The following HGF variants were observed in gnomAD, a reference collection of about 807,000 sequenced individuals.
The protein encoded by HGF is hepatocyte growth factor.
A neutral mutation model predicts 111.6 loss-of-function variants in HGF; 39 were observed. The observed-to-expected ratio is 0.35, with a 90% confidence interval of 0.27 to 0.46. The LOEUF (loss-of-function observed/expected upper bound fraction) is 0.46, where lower values mean the gene tolerates loss of function less well. Ranked by LOEUF, HGF falls within the 20% of genes least tolerant of loss-of-function variation. The pLI, the probability that HGF is intolerant of heterozygous loss-of-function variation, is 1.00. For synonymous variants in HGF, 285 were observed against 294.8 expected (o/e 0.97, Z 0.34); for missense variants, 735 against 910.5 (o/e 0.81, Z 2.48).
chr7:81,755,088 C>G (rs545950041), intron 4 of HGF: 29 of 152,156 alleles, frequency 1.9e-4, no homozygotes, highest in South Asian at 4.1e-4. Flanking sequence ...GAAACTTGAT[C>G]TATTCCATCA....
intron 6 of HGF, among the ~76,000 whole-genome samples, chr7:81,744,031 T>C (rs528369263): frequency 2.2e-3 from 333 of 152,196 alleles, no homozygotes; most frequent in Non-Finnish European, 3.7e-3. Flanking sequence ...TGCTACCATA[T>C]CCCTTCTGCT....
At chr7:81,732,062 C>G (rs977141925) in intron 7 of HGF, among the ~76,000 whole-genome samples, 6 of 152,096 alleles carry the variant, frequency 3.9e-5, no homozygotes, top group African/African-American at 1.4e-4. Context: ...TACTACTGAG[C>G]CATTCTTCTC....
rs186817058 is a variant in HGF at position 81,721,027 on chromosome 7, C to T, written c.1169-180G>A. ...TTGGGAGGCCAAGGCGGGCCCATCA[C>T]GAGGTCAGGAGATCGAGACCATCCT... On this transcript the variant is annotated intron_variant, in intron 9 of 17. Transcript: ENST00000222390. 4.0e-3 allele frequency among the ~76,000 whole-genome samples: 603 copies of T among 152,318 alleles called. 2 individuals carry two copies. The highest frequency in any genetic ancestry group is 7.1e-3 in the Non-Finnish European group (481 of 68,024).
intron 9 of HGF, among the ~76,000 whole-genome samples, chr7:81,721,603 C>T (rs1467941263): frequency 3.3e-5 from 5 of 152,174 alleles, no homozygotes; most frequent in African/African-American, 1.2e-4. Flanking sequence ...CCCAAGTCAG[C>T]TGTTTTACAA....
At chr7:81,706,148 T>C in intron 15 of HGF, 139 bp downstream of exon 15, 1 of 774,784 alleles carries the variant, frequency 1.3e-6, no homozygotes, top group South Asian at 1.5e-5. Flanking sequence ...AACGCACGCA[T>C]ATATACATAT....
intron 17 of HGF, 53 bp from the exon 18 acceptor site, chr7:81,702,810 C>T (rs1328589484): frequency 9.7e-6 from 14 of 1,446,914 alleles, no homozygotes; most frequent in African/African-American, 2.8e-5. Flanking sequence ...AAAAAAAGCT[C>T]ATTAACATAA....
intron 17 of HGF, among the ~76,000 whole-genome samples, chr7:81,703,319 T>C (rs1359461120): frequency 1.3e-5 from 2 of 150,984 alleles, no homozygotes; most frequent in Non-Finnish European, 1.5e-5. Context: ...ACAAAATAAT[T>C]CTGTTAATTG....
chr7:81,735,310 C>T (rs929112102), intron 7 of HGF, among the ~76,000 whole-genome samples: 7 of 152,050 alleles, frequency 4.6e-5, no homozygotes, highest in African/African-American at 1.7e-4. Context: ...ACAAGACTTT[C>T]ATGAAAGGTC....
At chr7:81,728,224 T>C (rs1238529004) in intron 8 of HGF, among the ~76,000 whole-genome samples, 1 of 152,254 alleles carries the variant, frequency 6.6e-6, no homozygotes, top group Non-Finnish European at 1.5e-5. Context: ...TTAATACTTA[T>C]GTTTGGTTAT....
chr7:81,712,747 A>G (rs1789605617), intron 11 of HGF, among the ~76,000 whole-genome samples: 1 of 152,228 alleles, frequency 6.6e-6, no homozygotes, highest in Non-Finnish European at 1.5e-5. Flanking sequence ...CCCTGAGCTC[A>G]AATAAGCCAG....
intron 7 of HGF, among the ~76,000 whole-genome samples, chr7:81,742,037 G>A (rs1426163560): frequency 1.3e-5 from 2 of 151,512 alleles, no homozygotes; most frequent in African/African-American, 4.8e-5. Context: ...CCTAACTGGT[G>A]TAGAACAATG....
intron 7 of HGF, among the ~76,000 whole-genome samples, chr7:81,730,120 G>T (rs537001064): frequency 2.0e-5 from 3 of 152,046 alleles, no homozygotes; most frequent in Non-Finnish European, 4.4e-5. Context: ...ATACAAAGTG[G>T]TAATGAAATT....
At chr7:81,760,680 C>T (rs974790471) in intron 2 of HGF, among the ~76,000 whole-genome samples, 11 of 139,484 alleles carry the variant, frequency 7.9e-5, no homozygotes, top group African/African-American at 2.1e-4. Context: ...TATGTGCGTG[C>T]GTGTGTGTGT....
chr7:81,755,700 G>A, intron 4 of HGF: 1 of 312,302 alleles, frequency 3.2e-6, no homozygotes, highest in Non-Finnish European at 5.9e-6. Flanking sequence ...TCTTCACTAT[G>A]CAGGGAGTAA....
intron 9 of HGF, among the ~76,000 whole-genome samples, chr7:81,721,671 G>A (rs1039401798): frequency 6.6e-6 from 1 of 152,152 alleles, no homozygotes; most frequent in African/African-American, 2.4e-5. Context: ...CCAAGTTAAA[G>A]ATATTTGACA....
Position 81,729,785 on chromosome 7 carries a change from G to T in HGF, c.866-6C>A. ...GTCATTCATAGTATTGTCAGCTATT[G>T]GCAAAAAACAACAACAAAAAAAAAC... On this transcript the variant is annotated splice_polypyrimidine_tract_variant and splice_region_variant and intron_variant, in intron 7 of 17. Coordinates refer to ENST00000222390, the MANE Select transcript of HGF (RefSeq NM_000601.6). 1 of 1,552,040 alleles carries T rather than the reference G, an allele frequency of 6.4e-7. No homozygotes were observed. The highest frequency in any genetic ancestry group is 8.6e-7 in the Non-Finnish European group (1 of 1,160,318).
Position 81,702,118 on chromosome 7 carries a change from A to T in HGF, c.*463T>A, listed in dbSNP as rs566500466. 4.6e-6 allele frequency: 1 copy of T among 217,058 alleles called. No individual in the cohort carries two copies. Among genetic ancestry groups the T allele is most frequent in the South Asian group, 1.5e-4 (1 of 6,658 alleles). The allele number at this position is 217,058 out of a possible 1,614,324, so 13.4% of individuals were successfully genotyped here. On this transcript the variant is annotated 3_prime_UTR_variant, in exon 18 of 18. Transcript: ENST00000222390. ...TGAAGAGAAATGAATGAACTATAACATATAGCATATGAAATGTAATATAAT... is the reference window on the plus strand; with the variant it reads ...TGAAGAGAAATGAATGAACTATAACTTATAGCATATGAAATGTAATATAAT...
At chr7:81,749,572 T>C (rs1315556110) in intron 5 of HGF, among the ~76,000 whole-genome samples, 1 of 152,096 alleles carries the variant, frequency 6.6e-6, no homozygotes, top group African/African-American at 2.4e-5. Context: ...ATAGCAATTT[T>C]GTGGTAAGAA....
chr7:81,767,944 C>T (rs1304221731), intron 1 of HGF, among the ~76,000 whole-genome samples: 1 of 152,110 alleles, frequency 6.6e-6, no homozygotes, highest in African/African-American at 2.4e-5. Flanking sequence ...AACTATCAAA[C>T]TGGCCATCTA....
Sources: gnomAD v4.1 joint callset for allele counts (sites outside exome capture counted in the v4.1 genomes callset) on GRCh38, gnomAD v4.1.1 for gene constraint, MANE v1.5 for transcripts, NCBI Gene and HGNC (gene_info 2026-07-23, HGNC 2026-07-21) for gene names.